Variants in SFI1 observed in about 807,000 individuals in gnomAD.
SFI1 encodes the protein protein SFI1 homolog.
Under a neutral mutation model 207.5 loss-of-function variants are expected in SFI1, and 195 were observed. That is an observed-to-expected ratio of 0.94 (90% CI 0.84 to 1.06). SFI1 has a LOEUF of 1.06. SFI1 is among the 50% of genes least tolerant of loss of function. The pLI, the probability that SFI1 is intolerant of heterozygous loss-of-function variation, is 0.00. For missense variants in SFI1, 1,634 were observed against 1,588.0 expected, an observed-to-expected ratio of 1.03 and a Z score of -0.49; for synonymous variants, 630 against 598.9, an observed-to-expected ratio of 1.05 and a Z score of -0.76.
At position 31,606,423 on chromosome 22, in the gene SFI1, G is replaced by T. The variant is rs768391811; in HGVS notation, c.2150G>T (p.Cys717Phe). ...QASTHYRRTI[C>F]SKVLVQWREA... ...AGTACTCATTACAGAAGGACCATATGTTCCAAGGTGAGGTATAAGGAGGCA... is the reference window on the plus strand; with the variant it reads ...AGTACTCATTACAGAAGGACCATATTTTCCAAGGTGAGGTATAAGGAGGCA... Residue 717 changes from cysteine (C) to phenylalanine (F), a missense_variant, in exon 21 of 33, where the codon TGT becomes TTT. Transcript: ENST00000400288. 1 of 1,613,492 alleles carries T rather than the reference G, an allele frequency of 6.2e-7. No individual in the cohort carries two copies. Among genetic ancestry groups the T allele is most frequent in the Non-Finnish European group, 8.5e-7 (1 of 1,179,950 alleles).
chr22:31,497,562 G>A (rs2052911968), intron 1 of SFI1, among the ~76,000 whole-genome samples: 1 of 152,078 alleles, frequency 6.6e-6, no homozygotes, highest in African/African-American at 2.4e-5. Context: ...AGCCTGAGAG[G>A]CAACAATATT....
intron 31 of SFI1, among the ~76,000 whole-genome samples, chr22:31,617,520 A>G (rs2071876095): frequency 6.6e-6 from 1 of 152,140 alleles, no homozygotes; most frequent in Non-Finnish European, 1.5e-5. Context: ...TAGGAGTTCA[A>G]GACCAGCCTG....
intron 25 of SFI1, 66 bp from the exon 26 acceptor site, chr22:31,613,288 G>A (rs1013222829): frequency 5.0e-6 from 8 of 1,607,262 alleles, no homozygotes; most frequent in Non-Finnish European, 6.8e-6. Context: ...GTGGAGGGAG[G>A]GCACCTGGTC....
chr22:31,546,767 G>C (rs2060126689), intron 4 of SFI1, 94 bp from the exon 5 acceptor site: 2 of 820,826 alleles, frequency 2.4e-6, no homozygotes, highest in East Asian at 6.6e-5. Context: ...ACGCCCGGCT[G>C]TACTTTTTCA....
rs1055707488 is a variant in SFI1, at chr22:31,613,908, G to C, written c.2996+53G>C. 10 of 1,530,266 alleles carry C rather than the reference G, an allele frequency of 6.5e-6. No individual in the cohort carries two copies. In the South Asian group the frequency reaches 1.2e-4, roughly 19 times the overall value. 94.8% of individuals were successfully genotyped at this position (1,530,266 alleles called of 1,614,324 possible). On this transcript the variant is annotated intron_variant, in intron 27 of 32. Transcript: ENST00000400288. ...CGCTTCCACCCTGGGCAAAAGGTTG[G>C]ATGGCATAGCAGGGAGGAAAACAGC...
intron 24 of SFI1, 199 bp from the exon 25 acceptor site, chr22:31,612,943 T>C: frequency 1.7e-6 from 1 of 579,784 alleles, no homozygotes. Context: ...CCTTCTTTCA[T>C]GAAGGTCATT....
intron 15 of SFI1, among the ~76,000 whole-genome samples, chr22:31,600,489 T>G (rs9621293): frequency 0.012 from 1,767 of 152,326 alleles, 36 homozygotes; most frequent in African/African-American, 0.04. Context: ...TGTTCCCCTC[T>G]TGGCCCTGCA....
intron 1 of SFI1, among the ~76,000 whole-genome samples, chr22:31,507,737 GA>G (rs1488858980): frequency 6.6e-6 from 1 of 152,014 alleles, no homozygotes; most frequent in East Asian, 1.9e-4. Flanking sequence ...GAACAAACAT[GA>G]AAAAAAGCTC....
chr22:31,517,658 C>A (rs182261590), intron 2 of SFI1, among the ~76,000 whole-genome samples: 26 of 151,314 alleles, frequency 1.7e-4, no homozygotes, highest in Non-Finnish European at 4.4e-5. Context: ...GACCCTATTT[C>A]TTTTTTTTTC....
chr22:31,546,251 A>G (rs1484216774), intron 4 of SFI1, among the ~76,000 whole-genome samples: 1 of 151,254 alleles, frequency 6.6e-6, no homozygotes, highest in Admixed American at 6.6e-5. Context: ...CAGTCCTCCT[A>G]CCTTGACCTC....
chr22:31,593,444 T>C (rs1460537241), intron 15 of SFI1, among the ~76,000 whole-genome samples: 2 of 135,668 alleles, frequency 1.5e-5, no homozygotes, highest in Non-Finnish European at 3.2e-5. Context: ...TGATGGCGGC[T>C]GGGAAGAGGC....
At position 31,582,854 on chromosome 22, in the gene SFI1, CT is replaced by C. The variant is rs975405620; in HGVS notation, c.1249-1016del. ...CTTATTTCACTTAGCATAATGTATACTTTTTAAAATGACTGCCTTTTTTTAA... is the reference window on the plus strand; with the variant it reads ...CTTATTTCACTTAGCATAATGTATACTTTTAAAATGACTGCCTTTTTTTAA... On this transcript the variant is annotated intron_variant, in intron 12 of 32. Coordinates refer to ENST00000400288, the MANE Select transcript of SFI1 (RefSeq NM_001007467.3). Among the ~76,000 whole-genome samples the C allele has an allele frequency of 9.2e-5, 14 of 152,100 alleles. 1 individual carries two copies. Among genetic ancestry groups the C allele is most frequent in the Admixed American group, 5.9e-4 (9 of 15,262 alleles).
At chr22:31,610,088 A>G (rs1230291952) in intron 22 of SFI1, among the ~76,000 whole-genome samples, 2 of 152,218 alleles carry the variant, frequency 1.3e-5, no homozygotes, top group East Asian at 3.8e-4. Flanking sequence ...TAGTAGGTAC[A>G]CAGTAAATAC....
rs1018209365 is a variant in SFI1 at position 31,611,218 on chromosome 22, G to C, written c.2330G>C (p.Arg777Thr). 1 of 1,613,984 alleles carries C rather than the reference G, an allele frequency of 6.2e-7. No homozygotes were observed. The highest frequency in any genetic ancestry group is 1.3e-5 in the African/African-American group (1 of 75,048). The change falls in exon 23 of 33, where the codon AGG becomes ACG. Residue 777 changes from arginine to threonine, a missense_variant. Arg to Thr is a moderately conservative substitution (Grantham distance 71). Coordinates refer to ENST00000400288, the MANE Select transcript of SFI1 (RefSeq NM_001007467.3). ...RSAQQRLQLERAVQHHHRQLL... is the reference protein window; with the variant it reads ...RSAQQRLQLETAVQHHHRQLL... ...GCCCAGCAGAGACTGCAGCTGGAGA[G>C]GGCAGTGCAACACCACCACCGGCAG...
rs187086398 is a variant in SFI1 at position 31,604,493 on chromosome 22, G to A, written c.1977+89G>A. 190 of 1,180,138 alleles carry A rather than the reference G, an allele frequency of 1.6e-4. 2 individuals carry two copies. The highest frequency in any genetic ancestry group is 1.6e-3 in the South Asian group (100 of 62,194). The allele number at this position is 1,180,138 out of a possible 1,614,324, so 73.1% of individuals were successfully genotyped here. On this transcript the variant is annotated intron_variant, in intron 19 of 32. Transcript: ENST00000400288. ...TTTTCCTTCCTTGTTCTTCCTGTCC[G>A]TCCCAGAACAGAGTCACGTGACACA... is the stretch of plus-strand genomic sequence containing the variant.
intron 1 of SFI1, among the ~76,000 whole-genome samples, chr22:31,498,330 G>A (rs548105837): frequency 1.6e-4 from 24 of 151,214 alleles, no homozygotes; most frequent in Non-Finnish European, 3.2e-4. Flanking sequence ...TGACCCCATA[G>A]CTGCCATAGG....
chr22:31,586,302 T>C (rs986110130), intron 14 of SFI1, among the ~76,000 whole-genome samples: 1 of 152,188 alleles, frequency 6.6e-6, no homozygotes, highest in Non-Finnish European at 1.5e-5. Flanking sequence ...ATTCATCTTA[T>C]AGTTGTTCAC....
chr22:31,614,855 C>G lies in SFI1; in HGVS notation c.3063C>G (p.Ser1021Arg). The G allele has an allele frequency of 6.2e-7, 1 of 1,613,698 alleles. No individual in the cohort carries two copies. The highest frequency in any genetic ancestry group is 8.5e-7 in the Non-Finnish European group (1 of 1,179,972). ...ACTTCCTGTTGGAGCCTGCGCAGAG[C>G]CAGAGGTCCCTGGGGTGCAGCACCG... ...RPHFLLEPAQ[S>R]QRPQKPQEHG... The change falls in exon 28 of 33, where the codon AGC (serine) becomes AGG (arginine). Residue 1021 changes from serine (S) to arginine (R), a missense_variant. Transcript: ENST00000400288.
intron 14 of SFI1, among the ~76,000 whole-genome samples, chr22:31,585,965 A>T (rs952795619): frequency 6.6e-6 from 1 of 152,008 alleles, no homozygotes; most frequent in Non-Finnish European, 1.5e-5. Context: ...CTTCTGTTGG[A>T]GTCTAACAGG....
Sources: allele counts gnomAD v4.1 joint callset (sites outside exome capture counted in the v4.1 genomes callset), GRCh38; gene constraint gnomAD v4.1.1; transcripts MANE v1.5; gene names NCBI Gene and HGNC (gene_info 2026-07-23, HGNC 2026-07-21).